The following KLHL24 variants were observed in gnomAD, a reference collection of about 807,000 sequenced individuals.
KLHL24 encodes kelch like family member 24, also known as kelch-like protein 24.
In KLHL24, 29 loss-of-function variants were observed where a neutral mutation model predicts 53.4. The ratio of observed to expected loss-of-function variants is 0.54; its 90% CI spans 0.40 to 0.74. The LOEUF (loss-of-function observed/expected upper bound fraction) is 0.74. Ranked by LOEUF, KLHL24 falls within the 30% of genes least tolerant of loss-of-function variation. KLHL24 has a pLI of 0.00. For synonymous variants in KLHL24, 222 were observed against 253.7 expected (o/e 0.88, Z 1.19); for missense variants, 504 against 744.0 (o/e 0.68, Z 3.75).
At position 183,651,234 on chromosome 3, in the gene KLHL24, T is replaced by C; in HGVS notation, c.878T>C (p.Ile293Thr). ...TTGCATGAAGCAAGACGGTACCACA[T>C]ACTTGGGAATGAAATGATGTCCCCA... ...QLLHEARRYH[I>T]LGNEMMSPRT... Residue 293 changes from isoleucine to threonine, a missense_variant, in exon 3 of 8, where the codon ATA becomes ACA. By Grantham distance (89) the Ile-to-Thr change is moderately conservative. Coordinates refer to ENST00000242810, the MANE Select transcript of KLHL24 (RefSeq NM_017644.3). 1 of 1,614,166 alleles carries C rather than the reference T, an allele frequency of 6.2e-7. No individual in the cohort carries two copies.
chr3:183,679,367 C>G lies in KLHL24; in HGVS notation c.*81C>G. On this transcript the variant is annotated 3_prime_UTR_variant, in exon 8 of 8. Transcript: ENST00000242810. ...ACTCTACAGTGGGAACTTCACATAT[C>G]TCCTTTGTGCCATATGCAAAAAATA... 1 of 936,508 alleles carries G rather than the reference C, an allele frequency of 1.1e-6. No homozygotes were observed. Among genetic ancestry groups the G allele is most frequent in the Non-Finnish European group, 1.6e-6 (1 of 606,392 alleles). The allele number at this position is 936,508 out of a possible 1,614,324, so 58.0% of individuals were successfully genotyped here.
intron 5 of KLHL24, among the ~76,000 whole-genome samples, chr3:183,665,610 G>C (rs1720423039): frequency 6.6e-6 from 1 of 151,964 alleles, no homozygotes; most frequent in Non-Finnish European, 1.5e-5. Context: ...ATAAGCTGGG[G>C]TTGGTGGCGG....
intron 7 of KLHL24, among the ~76,000 whole-genome samples, chr3:183,676,339 G>T (rs1028062790): frequency 6.6e-6 from 1 of 152,030 alleles, no homozygotes; most frequent in Non-Finnish European, 1.5e-5. Context: ...TAGGTGATCC[G>T]CCTGCCTCGG....
intron 3 of KLHL24, among the ~76,000 whole-genome samples, chr3:183,653,679 G>A (rs148395531): frequency 1.3e-5 from 2 of 152,318 alleles, no homozygotes; most frequent in African/African-American, 2.4e-5. Flanking sequence ...ATTAATGAGA[G>A]CAGAACAAAG....
chr3:183,648,745 T>C (rs1410652794), intron 2 of KLHL24, among the ~76,000 whole-genome samples: 5 of 152,294 alleles, frequency 3.3e-5, no homozygotes, highest in African/African-American at 1.2e-4. Context: ...CTCATACCTA[T>C]AATTCCAGCA....
chr3:183,641,873 T>G (rs1716500669), intron 1 of KLHL24, among the ~76,000 whole-genome samples: 1 of 152,230 alleles, frequency 6.6e-6, no homozygotes, highest in African/African-American at 2.4e-5. Context: ...CCATCAGACT[T>G]TGTACCCTCT....
rs538750739 is a variant in KLHL24 at position 183,662,729 on chromosome 3, A to G, written c.921-729A>G. On this transcript the variant is annotated intron_variant, in intron 3 of 7. Transcript: ENST00000242810. Reference sequence around the variant, plus strand: ...GCTCAGGCTCATTATTGGTTTGGAAATTTGTAATGATAGAAATGGGGGGAG... The same window carrying G: ...GCTCAGGCTCATTATTGGTTTGGAAGTTTGTAATGATAGAAATGGGGGGAG... 7.9e-5 allele frequency among the ~76,000 whole-genome samples: 12 copies of G among 152,288 alleles called. 1 individual carries two copies. In the South Asian group the frequency reaches 2.1e-3, roughly 26 times the overall value.
At chr3:183,675,819 T>G (rs904160329) in intron 7 of KLHL24, among the ~76,000 whole-genome samples, 1 of 152,070 alleles carries the variant, frequency 6.6e-6, no homozygotes, top group Non-Finnish European at 1.5e-5. Context: ...TACCATTTAT[T>G]CGGAACTTTG....
chr3:183,672,547 A>G, intron 7 of KLHL24, 63 bp downstream of exon 7: 1 of 1,137,018 alleles, frequency 8.8e-7, no homozygotes, highest in Non-Finnish European at 1.2e-6. Flanking sequence ...CATAATCATT[A>G]TTAATACACT....
intron 4 of KLHL24, among the ~76,000 whole-genome samples, chr3:183,664,678 TTTAA>T (rs1720275208): frequency 6.6e-6 from 1 of 152,240 alleles, no homozygotes; most frequent in Non-Finnish European, 1.5e-5. Context: ...ACATCCTATA[TTTAA>T]TTATTTTGGA....
At chr3:183,675,656 G>A (rs919901386) in intron 7 of KLHL24, among the ~76,000 whole-genome samples, 3 of 151,920 alleles carry the variant, frequency 2.0e-5, no homozygotes, top group Non-Finnish European at 2.9e-5. Flanking sequence ...GCTCAAGCTG[G>A]GTGCAGTGGC....
intron 3 of KLHL24, among the ~76,000 whole-genome samples, chr3:183,661,896 CTT>C (rs1357596945): frequency 2.0e-5 from 3 of 152,044 alleles, no homozygotes; most frequent in African/African-American, 7.2e-5. Flanking sequence ...ATAAATAAGA[CTT>C]TGAGGAATAT....
chr3:183,682,372 A>G lies in KLHL24; in HGVS notation c.*3086A>G, dbSNP rs1712770186. On this transcript the variant is annotated 3_prime_UTR_variant, in exon 8 of 8. Transcript: ENST00000242810. ...GTAATCTTCCCACTGACTTTACTGC[A>G]CAGGTATGAAATACTAGTGTATTGG... 6.6e-6 allele frequency: 1 copy of G among 152,526 alleles called. No individual in the cohort carries two copies. The highest frequency in any genetic ancestry group is 2.1e-4 in the South Asian group (1 of 4,826). The allele number at this position is 152,526 out of a possible 1,614,324, so 9.4% of individuals were successfully genotyped here. A position where few individuals can be genotyped will look rare whatever the true frequency, so the allele number is the denominator to read the frequency against.
chr3:183,636,792 G>A (rs1027550113), intron 1 of KLHL24: 12 of 152,088 alleles, frequency 7.9e-5, no homozygotes, highest in Non-Finnish European at 1.3e-4. Flanking sequence ...TTTTGCAGCT[G>A]CGGCCCGAGT....
chr3:183,682,166 G>A lies in KLHL24; in HGVS notation c.*2880G>A, dbSNP rs768449688. On this transcript the variant is annotated 3_prime_UTR_variant, in exon 8 of 8. Transcript: ENST00000242810. Reference sequence around the variant, plus strand: ...TTAGTTTTACAAGGTCAGAAGAGATGAGTTTGCTAAACCCAGCTGTGATAC... The same window carrying A: ...TTAGTTTTACAAGGTCAGAAGAGATAAGTTTGCTAAACCCAGCTGTGATAC... 12 of 151,744 alleles carry A rather than the reference G, an allele frequency of 7.9e-5. No homozygotes were observed. Among genetic ancestry groups the A allele is most frequent in the Admixed American group, 4.0e-4 (6 of 15,104 alleles). The allele number at this position is 151,744 out of a possible 1,614,324, so 9.4% of individuals were successfully genotyped here. A position where few individuals can be genotyped will look rare whatever the true frequency, so the allele number is the denominator to read the frequency against.
At chr3:183,672,608 T>TA (rs1343233812) in intron 7 of KLHL24, 124 bp downstream of exon 7, 2 of 643,402 alleles carry the variant, frequency 3.1e-6, no homozygotes, top group Non-Finnish European at 4.8e-6. Context: ...CTCACGCCTG[T>TA]AATCCCAGCA....
chr3:183,676,165 G>T (rs533095306), intron 7 of KLHL24, among the ~76,000 whole-genome samples: 1 of 152,016 alleles, frequency 6.6e-6, no homozygotes, highest in Non-Finnish European at 1.5e-5. Flanking sequence ...CATTGATCTC[G>T]GCTCACTGCA....
intron 3 of KLHL24, among the ~76,000 whole-genome samples, chr3:183,652,235 ATCT>A (rs1718225416): frequency 6.6e-6 from 1 of 152,230 alleles, no homozygotes; most frequent in South Asian, 2.1e-4. Context: ...GCATATTTGT[ATCT>A]TCTTCCAGTA....
Position 183,651,019 on chromosome 3 carries a change from T to A in KLHL24, c.663T>A (p.Leu221=). ...ELIDYICSDE[L]VIGKEEMVFE... ...TTGATTATATTTGTAGTGATGAACT[T>A]GTTATTGGTAAAGAGGAGATGGTTT... The change falls in exon 3 of 8, where the codon CTT becomes CTA. Residue 221 remains leucine, a synonymous_variant. Transcript: ENST00000242810. 1 of 1,614,210 alleles carries A rather than the reference T, an allele frequency of 6.2e-7. No homozygotes were observed. Among genetic ancestry groups the A allele is most frequent in the African/African-American group, 1.3e-5 (1 of 75,040 alleles).
Sources: gnomAD v4.1 joint callset for allele counts (sites outside exome capture counted in the v4.1 genomes callset) on GRCh38, gnomAD v4.1.1 for gene constraint, MANE v1.5 for transcripts, NCBI Gene and HGNC (gene_info 2026-07-23, HGNC 2026-07-21) for gene names.